The following MYOF variants were observed in gnomAD, a reference collection of about 807,000 sequenced individuals.
MYOF encodes myoferlin.
MYOF carries 244 observed loss-of-function variants against 284.2 expected under a neutral mutation model. That is an observed-to-expected ratio of 0.86 (90% CI 0.77 to 0.95). The LOEUF (loss-of-function observed/expected upper bound fraction) is 0.95. Ranked by LOEUF, MYOF falls within the 40% of genes least tolerant of loss-of-function variation. MYOF has a pLI of 0.00. For synonymous variants in MYOF, 904 were observed against 919.7 expected, an observed-to-expected ratio of 0.98 and a Z score of 0.31; for missense variants, 2,496 against 2,560.6, an observed-to-expected ratio of 0.97 and a Z score of 0.54.
At chr10:93,416,436 A>G (rs1848124471) in intron 5 of MYOF, among the ~76,000 whole-genome samples, 1 of 151,964 alleles carries the variant, frequency 6.6e-6, no homozygotes, top group Admixed American at 6.5e-5. Flanking sequence ...AGGCAGGAGA[A>G]TCACTTGAGC....
At chr10:93,308,242 CA>C (rs71028900) in intron 53 of MYOF, among the ~76,000 whole-genome samples, 129,467 of 149,040 alleles carry the variant, frequency 0.87, 57,054 homozygotes, top group East Asian at 0.99. Flanking sequence ...AACCCCATCT[CA>C]AAAAAAATAA....
At chr10:93,460,403 A>G (rs1276096493) in intron 1 of MYOF, among the ~76,000 whole-genome samples, 1 of 152,212 alleles carries the variant, frequency 6.6e-6, no homozygotes, top group Non-Finnish European at 1.5e-5. Flanking sequence ...ACAAACATTT[A>G]TTAAGCATCC....
chr10:93,428,084 C>T (rs1283755533), intron 4 of MYOF, among the ~76,000 whole-genome samples: 1 of 151,862 alleles, frequency 6.6e-6, no homozygotes, highest in East Asian at 1.9e-4. Context: ...CACACACGTA[C>T]ACACACACAT....
chr10:93,400,853 GTTTTTTTT>G (rs551007757), intron 12 of MYOF, among the ~76,000 whole-genome samples: 1 of 113,950 alleles, frequency 8.8e-6, no homozygotes, highest in Admixed American at 9.3e-5. Context: ...TGCTCAGCAT[GTTTTTTTT>G]TTTTTTTTTT....
intron 3 of MYOF, among the ~76,000 whole-genome samples, chr10:93,448,465 T>C (rs1394111331): frequency 1.3e-5 from 2 of 152,186 alleles, no homozygotes; most frequent in Admixed American, 6.5e-5. Context: ...ATATATTTTT[T>C]AGTGTATTTG....
rs562201457 is a variant in MYOF at position 93,325,629 on chromosome 10, TCTC to T, written c.5271+194_5271+196del. Among the ~76,000 whole-genome samples, 391 of 152,262 alleles carry T rather than the reference TCTC, an allele frequency of 2.6e-3. 1 individual carries two copies. The highest frequency in any genetic ancestry group is 5.2e-3 in the Admixed American group (80 of 15,304). On this transcript the variant is annotated intron_variant, in intron 46 of 53. Coordinates refer to ENST00000359263, the MANE Select transcript of MYOF (RefSeq NM_013451.4). ...CTGGTTTGTTCTGAGTCATGGCCAA[TCTC>T]CTATCTAGATTTAGAGAGTTACCTG...
chr10:93,465,455 G>A (rs980293231), intron 1 of MYOF, among the ~76,000 whole-genome samples: 2 of 151,910 alleles, frequency 1.3e-5, no homozygotes, highest in Admixed American at 6.6e-5. Context: ...CCAGGGCCTG[G>A]CACACAGTAA....
rs559521709 is a variant in MYOF at position 93,306,769 on chromosome 10, T to C, written c.*194A>G. The C allele has an allele frequency of 1.6e-6, 1 of 607,164 alleles. No individual in the cohort carries two copies. The highest frequency in any genetic ancestry group is 1.9e-5 in the African/African-American group (1 of 52,584). The allele number at this position is 607,164 out of a possible 1,614,324, so 37.6% of individuals were successfully genotyped here. Reference sequence around the variant, plus strand: ...AATAAAACTTTTAATACTTAAGAGATAACATGATGCAAACGTTGCTTGTTG... The same window carrying C: ...AATAAAACTTTTAATACTTAAGAGACAACATGATGCAAACGTTGCTTGTTG... On this transcript the variant is annotated 3_prime_UTR_variant, in exon 54 of 54. Transcript: ENST00000359263.
chr10:93,471,524 A>C (rs1456272603), intron 1 of MYOF, among the ~76,000 whole-genome samples: 1 of 152,140 alleles, frequency 6.6e-6, no homozygotes, highest in East Asian at 1.9e-4. Flanking sequence ...GAATCCAGTT[A>C]AATCCTGACC....
At chr10:93,454,148 C>G (rs1257304370) in intron 2 of MYOF, among the ~76,000 whole-genome samples, 2 of 152,150 alleles carry the variant, frequency 1.3e-5, no homozygotes, top group Non-Finnish European at 2.9e-5. Flanking sequence ...CACCATTGCA[C>G]TCTAGCCTGG....
intron 39 of MYOF, 36 bp downstream of exon 39, chr10:93,340,117 G>A: frequency 6.2e-7 from 1 of 1,610,806 alleles, no homozygotes; most frequent in East Asian, 2.2e-5. Context: ...GAAAATACAT[G>A]AATCTTAAAT....
intron 28 of MYOF, among the ~76,000 whole-genome samples, chr10:93,360,852 G>T (rs964536996): frequency 1.3e-5 from 2 of 152,142 alleles, no homozygotes; most frequent in African/African-American, 4.8e-5. Flanking sequence ...CTTGACTCCA[G>T]CTCCCTCCCA....
intron 1 of MYOF, among the ~76,000 whole-genome samples, chr10:93,460,921 C>T (rs1273419365): frequency 6.6e-6 from 1 of 152,120 alleles, no homozygotes; most frequent in African/African-American, 2.4e-5. Flanking sequence ...CTTGGTGAAA[C>T]CCATCTCTAC....
chr10:93,345,316 C>G (rs574031924), intron 37 of MYOF, among the ~76,000 whole-genome samples: 1 of 152,276 alleles, frequency 6.6e-6, no homozygotes, highest in East Asian at 1.9e-4. Context: ...CAGAAGCTAA[C>G]AGCAAGCAAG....
chr10:93,397,273 T>C lies in MYOF; in HGVS notation c.1308A>G (p.Glu436=). Residue 436 remains glutamate (E), a synonymous_variant, in exon 15 of 54, where the codon GAA becomes GAG. Coordinates refer to ENST00000359263, the MANE Select transcript of MYOF (RefSeq NM_013451.4). ...AGTCATATATTGTTAGTTTTATTTT[T>C]TCACACACTGAAGGAAACTAAAAAA... The part of the protein sequence containing the change: ...NLQIKFPSVC[E]KIKLTIYDWD... The C allele has an allele frequency of 6.2e-7, 1 of 1,600,202 alleles. No homozygotes were observed. Among genetic ancestry groups the C allele is most frequent in the Non-Finnish European group, 8.5e-7 (1 of 1,170,418 alleles).
intron 53 of MYOF, 58 bp downstream of exon 53, chr10:93,309,962 G>A: frequency 6.2e-7 from 1 of 1,605,386 alleles, no homozygotes; most frequent in South Asian, 1.1e-5. Flanking sequence ...TGCCAAGGGA[G>A]AGGACCAACT....
intron 3 of MYOF, among the ~76,000 whole-genome samples, chr10:93,450,618 T>C (rs569867391): frequency 2.5e-4 from 38 of 152,218 alleles, no homozygotes; most frequent in South Asian, 2.1e-3. Flanking sequence ...CCCAGCCACG[T>C]TGACTGCAAA....
chr10:93,353,923 C>T (rs373280840), intron 31 of MYOF, 35 bp from the exon 32 acceptor site: 276 of 1,510,526 alleles, frequency 1.8e-4, no homozygotes, highest in African/African-American at 5.6e-4. Flanking sequence ...TTACAAGAAG[C>T]GTAACACTGT....
rs776806303 is a variant in MYOF at position 93,396,207 on chromosome 10, T to C, written c.1352A>G (p.Asn451Ser). ...TIYDWDRLTK[N>S]DVVGTTYLHL... ...TAGATATGTTGTTCCAACTACATCA[T>C]TTTTAGTAAGACGGTCCCTGTGTAA... The change falls in exon 16 of 54, where the codon AAT becomes AGT. Residue 451 changes from asparagine (N) to serine (S), a missense_variant. Physicochemically the swap from Asn to Ser is conservative, Grantham distance 46 (BLOSUM62 1). This residue lies in a region of MYOF where 2,436 missense variants were observed against 2,480.7 expected (regional missense o/e 0.98). Coordinates refer to ENST00000359263, the MANE Select transcript of MYOF (RefSeq NM_013451.4). The C allele has an allele frequency of 2.5e-6, 4 of 1,602,042 alleles. No individual in the cohort carries two copies. In the South Asian group the frequency reaches 3.4e-5, roughly 14 times the overall value.
Sources: allele counts gnomAD v4.1 joint callset (sites outside exome capture counted in the v4.1 genomes callset), GRCh38; gene constraint gnomAD v4.1.1; regional missense constraint gnomAD v4.1.1; transcripts MANE v1.5; gene names NCBI Gene and HGNC (gene_info 2026-07-23, HGNC 2026-07-21).